ADGRB3: variants seen among roughly 807,000 people sequenced by gnomAD.
ADGRB3 encodes the protein adhesion G protein-coupled receptor B3.
Under a neutral mutation model 193.4 loss-of-function variants are expected in ADGRB3, and 37 were observed. That is an observed-to-expected ratio of 0.19 (90% CI 0.15 to 0.25). ADGRB3 has a LOEUF of 0.25. ADGRB3 is among the 10% of genes least tolerant of loss of function. The probability of loss-of-function intolerance (pLI) is 1.00; values close to 1 mark genes in which losing one functional copy is unlikely to be tolerated. For synonymous variants in ADGRB3, 690 were observed against 644.2 expected, an observed-to-expected ratio of 1.07 and a Z score of -1.08; for missense variants, 1,637 against 1,852.9, an observed-to-expected ratio of 0.88 and a Z score of 2.14.
chr6:69,029,522 A>G (rs895868169), intron 13 of ADGRB3, among the ~76,000 whole-genome samples: 1 of 152,244 alleles, frequency 6.6e-6, no homozygotes, highest in Non-Finnish European at 1.5e-5. Context: ...AGGAGGTCAC[A>G]TAGAATTAGG....
At position 68,810,318 on chromosome 6, in the gene ADGRB3, A is replaced by G. The variant is rs769007565; in HGVS notation, c.758-120241A>G. On this transcript the variant is annotated intron_variant, in intron 3 of 31. Transcript: ENST00000370598. ...TCCACAAATCCTTCTGGAAACAATCACCACCAACCCCAACCCAAATGAGAA... is the reference window on the plus strand; with the variant it reads ...TCCACAAATCCTTCTGGAAACAATCGCCACCAACCCCAACCCAAATGAGAA... Among the ~76,000 whole-genome samples the G allele has an allele frequency of 3.5e-4, 53 of 152,140 alleles. 1 individual carries two copies. Among genetic ancestry groups the G allele is most frequent in the Admixed American group, 2.0e-4 (3 of 15,278 alleles).
chr6:68,893,556 G>A (rs1415206221), intron 3 of ADGRB3, among the ~76,000 whole-genome samples: 1 of 147,382 alleles, frequency 6.8e-6, no homozygotes, highest in African/African-American at 2.5e-5. Flanking sequence ...TCAGTGTTAT[G>A]CTTTCTGTCC....
intron 26 of ADGRB3, among the ~76,000 whole-genome samples, chr6:69,349,926 C>G (rs904911918): frequency 6.6e-6 from 1 of 152,184 alleles, no homozygotes; most frequent in African/African-American, 2.4e-5. Flanking sequence ...AATTGCAACA[C>G]TGCCAAACAT....
chr6:69,356,011 G>A (rs1418611552), intron 28 of ADGRB3, 151 bp downstream of exon 28: 4 of 612,456 alleles, frequency 6.5e-6, no homozygotes, highest in Middle Eastern at 4.6e-4. Flanking sequence ...TGCCAAAGGA[G>A]CTGAGAAACC....
chr6:69,192,296 G>A (rs533028552), intron 17 of ADGRB3, among the ~76,000 whole-genome samples: 72 of 152,236 alleles, frequency 4.7e-4, no homozygotes, highest in Middle Eastern at 6.8e-3. Flanking sequence ...ATGTTAGAGG[G>A]CAGGAAGTGG....
At chr6:68,884,785 T>A (rs1253054560) in intron 3 of ADGRB3, among the ~76,000 whole-genome samples, 3 of 152,172 alleles carry the variant, frequency 2.0e-5, no homozygotes, top group African/African-American at 7.2e-5. Flanking sequence ...TTTTGTGTTT[T>A]GTAAAAATTT....
intron 17 of ADGRB3, among the ~76,000 whole-genome samples, chr6:69,153,271 C>T (rs138176514): frequency 9.9e-5 from 15 of 152,176 alleles, no homozygotes; most frequent in African/African-American, 3.1e-4. Context: ...TCATGAAGCC[C>T]CCGCACCACC....
chr6:68,839,080 T>TCA (rs10591017), intron 3 of ADGRB3, among the ~76,000 whole-genome samples: 13,702 of 138,078 alleles, frequency 0.099, 652 homozygotes, highest in African/African-American at 0.14. Flanking sequence ...TGTCTCTCTG[T>TCA]CACACACACA....
At chr6:68,889,696 G>A (rs1008595136) in intron 3 of ADGRB3, among the ~76,000 whole-genome samples, 1 of 151,822 alleles carries the variant, frequency 6.6e-6, no homozygotes, top group Admixed American at 6.6e-5. Context: ...TAGAGATGGG[G>A]TTTCACTGTG....
intron 20 of ADGRB3, among the ~76,000 whole-genome samples, chr6:69,290,629 A>C (rs145942544): frequency 6.6e-6 from 1 of 152,332 alleles, no homozygotes; most frequent in Non-Finnish European, 1.5e-5. Context: ...ATACTCATAT[A>C]ATTCTATCAC....
intron 20 of ADGRB3, among the ~76,000 whole-genome samples, chr6:69,269,822 A>C (rs1468183103): frequency 6.6e-6 from 1 of 152,182 alleles, no homozygotes; most frequent in African/African-American, 2.4e-5. Context: ...AATTTCCTTT[A>C]GAAATTGAAA....
intron 3 of ADGRB3, among the ~76,000 whole-genome samples, chr6:68,767,534 C>T (rs1046873805): frequency 2.0e-5 from 3 of 152,046 alleles, no homozygotes; most frequent in African/African-American, 4.8e-5. Context: ...ATTGATGGAT[C>T]GTATCTCAAA....
intron 17 of ADGRB3, among the ~76,000 whole-genome samples, chr6:69,181,624 A>T (rs529337195): frequency 1.1e-3 from 164 of 152,310 alleles, no homozygotes; most frequent in African/African-American, 3.9e-3. Flanking sequence ...AAATAAACAT[A>T]AATGTAAACA....
chr6:68,844,663 C>G (rs1768238355), intron 3 of ADGRB3, among the ~76,000 whole-genome samples: 1 of 152,122 alleles, frequency 6.6e-6, no homozygotes, highest in Non-Finnish European at 1.5e-5. Context: ...GATATTTGCA[C>G]TCTTATGTTT....
chr6:69,243,757 G>T (rs1401912898), intron 20 of ADGRB3, among the ~76,000 whole-genome samples: 1 of 151,924 alleles, frequency 6.6e-6, no homozygotes, highest in African/African-American at 2.4e-5. Context: ...AGGACCTGTA[G>T]TTGCCCTGTA....
chr6:69,279,337 G>C (rs1439220310), intron 20 of ADGRB3, among the ~76,000 whole-genome samples: 1 of 151,768 alleles, frequency 6.6e-6, no homozygotes, highest in Non-Finnish European at 1.5e-5. Flanking sequence ...TCATGTGGCT[G>C]ACTGGAAGCT....
intron 11 of ADGRB3, among the ~76,000 whole-genome samples, chr6:68,996,683 T>G (rs2150276544): frequency 6.6e-6 from 1 of 151,688 alleles, no homozygotes; most frequent in East Asian, 1.9e-4. Context: ...CTGTTGAAGT[T>G]CTCAGGTCTT....
chr6:69,116,104 G>T (rs1051081257), intron 17 of ADGRB3, among the ~76,000 whole-genome samples: 2 of 152,200 alleles, frequency 1.3e-5, no homozygotes, highest in Admixed American at 1.3e-4. Flanking sequence ...GGATTTCTAT[G>T]TTACAGTTGT....
At chr6:69,193,554 A>G (rs1765239451) in intron 17 of ADGRB3, among the ~76,000 whole-genome samples, 1 of 152,128 alleles carries the variant, frequency 6.6e-6, no homozygotes, top group African/African-American at 2.4e-5. Context: ...TAAGAGAAGT[A>G]GACAATTTCA....
Sources: allele counts gnomAD v4.1 joint callset (sites outside exome capture counted in the v4.1 genomes callset), GRCh38; gene constraint gnomAD v4.1.1; transcripts MANE v1.5; gene names NCBI Gene and HGNC (gene_info 2026-07-23, HGNC 2026-07-21).